Variants in PPP1CB observed in about 807,000 individuals in gnomAD.
PPP1CB encodes the protein serine/threonine-protein phosphatase PP1-beta catalytic subunit.
PPP1CB carries 2 observed loss-of-function variants against 43.7 expected under a neutral mutation model. That is an observed-to-expected ratio of 0.05 (90% CI 0.02 to 0.14). The LOEUF is 0.14. Among genes scored for constraint, PPP1CB ranks in the 10% least tolerant of loss-of-function variants. The pLI is 1.00. For missense variants in PPP1CB, 84 were observed against 398.0 expected, an observed-to-expected ratio of 0.21 and a Z score of 6.71; for synonymous variants, 136 against 135.6, an observed-to-expected ratio of 1.00 and a Z score of -0.02.
rs140880120 is a variant in PPP1CB at position 28,793,079 on chromosome 2, G to A, written c.745-784G>A. ...AAATTCATCGGGCTTGCTGGTGGGTGCGTGTAGTCCCAGCTATTTGGGAGG... is the reference window on the plus strand; with the variant it reads ...AAATTCATCGGGCTTGCTGGTGGGTACGTGTAGTCCCAGCTATTTGGGAGG... On this transcript the variant is annotated intron_variant, in intron 6 of 7. Coordinates refer to ENST00000395366, the MANE Select transcript of PPP1CB (RefSeq NM_002709.3). 1.1e-4 allele frequency among the ~76,000 whole-genome samples: 16 copies of A among 152,234 alleles called. 1 individual carries two copies. The East Asian group carries it at 3.1e-3, about 29-fold the overall frequency.
At chr2:28,768,623 C>T (rs771151688) in intron 1 of PPP1CB, among the ~76,000 whole-genome samples, 110 of 152,316 alleles carry the variant, frequency 7.2e-4, no homozygotes, top group Non-Finnish European at 2.2e-4. Flanking sequence ...GAAGGCAAAA[C>T]TAAAACAGAC....
rs756571902 is a variant in PPP1CB, at chr2:28,776,997, A to G, written c.184+15A>G. On this transcript the variant is annotated intron_variant, in intron 2 of 7. Transcript: ENST00000395366. ...GAAAATTTGTGGTATGTAAATGGGT[A>G]AAGTTGGAAACAACTCTTTTGAATC... The G allele has an allele frequency of 6.8e-6, 11 of 1,609,982 alleles. No individual in the cohort carries two copies. The highest frequency in any genetic ancestry group is 9.3e-6 in the Non-Finnish European group (11 of 1,177,060).
chr2:28,800,657 G>A lies in PPP1CB; in HGVS notation c.*1354G>A, dbSNP rs1410716043. The A allele has an allele frequency of 1.3e-5, 2 of 152,372 alleles. No individual in the cohort carries two copies. Among genetic ancestry groups the A allele is most frequent in the Non-Finnish European group, 2.9e-5 (2 of 67,906 alleles). The allele number at this position is 152,372 out of a possible 1,614,324, so 9.4% of individuals were successfully genotyped here. A position where few individuals can be genotyped will look rare whatever the true frequency, so the allele number is the denominator to read the frequency against. Reference sequence around the variant, plus strand: ...TAGAAAAGTTAACATGAAGATTTTAGAAGGAGAGAACTTACAGGACACAGA... The same window carrying A: ...TAGAAAAGTTAACATGAAGATTTTAAAAGGAGAGAACTTACAGGACACAGA... On this transcript the variant is annotated 3_prime_UTR_variant, in exon 8 of 8. Coordinates refer to ENST00000395366, the MANE Select transcript of PPP1CB (RefSeq NM_002709.3).
At position 28,765,896 on chromosome 2, in the gene PPP1CB, A is replaced by G. The variant is rs141885415; in HGVS notation, c.53-10955A>G. The stretch of plus-strand genomic sequence containing the variant: ...ACTCTGGCCTGGGCAATAAAGCAAG[A>G]CCACATCTCAAAAAGTAAAAAATTA... On this transcript the variant is annotated intron_variant, in intron 1 of 7. Coordinates refer to ENST00000395366, the MANE Select transcript of PPP1CB (RefSeq NM_002709.3). Among the ~76,000 whole-genome samples the G allele has an allele frequency of 8.7e-4, 132 of 152,354 alleles. 1 individual carries two copies. Among genetic ancestry groups the G allele is most frequent in the African/African-American group, 2.9e-3 (122 of 41,578 alleles).
intron 1 of PPP1CB, among the ~76,000 whole-genome samples, chr2:28,757,006 A>AC (rs1363868307): frequency 2.6e-5 from 4 of 151,708 alleles, no homozygotes; most frequent in Admixed American, 2.0e-4. Flanking sequence ...AAACACATAT[A>AC]CCCCCCAAAA....
chr2:28,761,210 G>A (rs1013297175), intron 1 of PPP1CB, among the ~76,000 whole-genome samples: 1 of 152,110 alleles, frequency 6.6e-6, no homozygotes, highest in South Asian at 2.1e-4. Flanking sequence ...TTCTGAGGGG[G>A]AGAAACTTGC....
intron 7 of PPP1CB, 80 bp downstream of exon 7, chr2:28,794,077 T>C (rs1329777389): frequency 5.0e-6 from 6 of 1,205,780 alleles, no homozygotes; most frequent in African/African-American, 1.5e-5. Context: ...TTTGTGAAGT[T>C]TCCTTGAGCA....
intron 2 of PPP1CB, chr2:28,777,184 A>T (rs1667060419): frequency 2.6e-6 from 1 of 390,410 alleles, no homozygotes; most frequent in Admixed American, 4.0e-5. Context: ...ATCAACAGAT[A>T]AAAGGAGTTC....
At chr2:28,785,728 C>T (rs1667253775) in intron 5 of PPP1CB, among the ~76,000 whole-genome samples, 1 of 152,036 alleles carries the variant, frequency 6.6e-6, no homozygotes, top group South Asian at 2.1e-4. Context: ...AGGATCACTT[C>T]AGCCTGGGAA....
intron 1 of PPP1CB, among the ~76,000 whole-genome samples, chr2:28,766,831 C>T (rs1277762293): frequency 1.3e-5 from 2 of 152,174 alleles, no homozygotes. Flanking sequence ...CCTGTAATCC[C>T]AGCACTTTGG....
At chr2:28,763,855 GC>G (rs1666717465) in intron 1 of PPP1CB, among the ~76,000 whole-genome samples, 1 of 152,084 alleles carries the variant, frequency 6.6e-6, no homozygotes, top group Admixed American at 6.5e-5. Context: ...ACAGGTGCGC[GC>G]CACCACACCT....
intron 6 of PPP1CB, among the ~76,000 whole-genome samples, chr2:28,791,897 G>A (rs1667395746): frequency 6.6e-6 from 1 of 152,060 alleles, no homozygotes; most frequent in African/African-American, 2.4e-5. Context: ...TCAAATAATT[G>A]TCTCTAAAAT....
chr2:28,782,205 A>G (rs1268983367), intron 4 of PPP1CB, among the ~76,000 whole-genome samples: 1 of 152,160 alleles, frequency 6.6e-6, no homozygotes, highest in Non-Finnish European at 1.5e-5. Context: ...TGAGTTTCAT[A>G]TTCACATATA....
chr2:28,790,682 G>T (rs1667367162), intron 6 of PPP1CB, among the ~76,000 whole-genome samples: 1 of 152,150 alleles, frequency 6.6e-6, no homozygotes, highest in South Asian at 2.1e-4. Flanking sequence ...TAATTGTTAT[G>T]TAAGAAGAAT....
intron 1 of PPP1CB, among the ~76,000 whole-genome samples, chr2:28,765,803 A>G (rs1393296410): frequency 2.6e-5 from 4 of 152,150 alleles, no homozygotes; most frequent in Non-Finnish European, 5.9e-5. Context: ...AGTCCCAGCT[A>G]CTTGGGAGGC....
In PPP1CB at chr2:28,762,635, T is replaced by G. The variant is rs565853577; in HGVS notation, c.52+10459T>G. The stretch of plus-strand genomic sequence containing the variant: ...TTAAAGGTGAATTTTAAAAGAGATG[T>G]GGAATCTGAAATTATATCCATGAAT... On this transcript the variant is annotated intron_variant, in intron 1 of 7. Coordinates refer to ENST00000395366, the MANE Select transcript of PPP1CB (RefSeq NM_002709.3). Among the ~76,000 whole-genome samples the G allele has an allele frequency of 2.0e-5, 3 of 152,360 alleles. No individual in the cohort carries two copies. The East Asian group carries it at 5.8e-4, about 29-fold the overall frequency.
intron 1 of PPP1CB, among the ~76,000 whole-genome samples, chr2:28,759,005 A>G (rs1666554886): frequency 6.6e-6 from 1 of 152,260 alleles, no homozygotes; most frequent in African/African-American, 2.4e-5. Context: ...CAAGGTGACC[A>G]AAACACTTTC....
chr2:28,773,127 A>G lies in PPP1CB; in HGVS notation c.53-3724A>G, dbSNP rs376128472. On this transcript the variant is annotated intron_variant, in intron 1 of 7. Transcript: ENST00000395366. ...ACCTTGATCTGGATGATGGTTACTC[A>G]GGTATATAGATAGTTTAAAATTCGT... is the stretch of plus-strand genomic sequence containing the variant. Among the ~76,000 whole-genome samples the G allele has an allele frequency of 5.3e-5, 8 of 152,326 alleles. No individual in the cohort carries two copies. The East Asian group carries it at 9.6e-4, about 18-fold the overall frequency.
At chr2:28,754,751 C>G (rs188379398) in intron 1 of PPP1CB, among the ~76,000 whole-genome samples, 1 of 152,258 alleles carries the variant, frequency 6.6e-6, no homozygotes, top group Non-Finnish European at 1.5e-5. Flanking sequence ...ATATTAGATG[C>G]TAGTTAGTGA....
Sources: gnomAD v4.1 joint callset for allele counts (sites outside exome capture counted in the v4.1 genomes callset) on GRCh38, gnomAD v4.1.1 for gene constraint, MANE v1.5 for transcripts, NCBI Gene and HGNC (gene_info 2026-07-23, HGNC 2026-07-21) for gene names.